The following UCHL5 variants were observed in gnomAD, a reference collection of about 807,000 sequenced individuals.
UCHL5 encodes the protein ubiquitin C-terminal hydrolase L5.
A neutral mutation model predicts 53.8 loss-of-function variants in UCHL5; 34 were observed. The observed-to-expected ratio is 0.63, with a 90% CI of 0.48 to 0.84. The LOEUF is 0.84. Among genes scored for constraint, UCHL5 ranks in the 40% least tolerant of loss-of-function variants. UCHL5 has a pLI of 0.00. For missense variants in UCHL5, 290 were observed against 385.6 expected (o/e 0.75, Z 2.08); for synonymous variants, 111 against 126.3 (o/e 0.88, Z 0.81).
At chr1:193,055,862 T>A (rs980892520) in intron 1 of UCHL5, among the ~76,000 whole-genome samples, 9 of 152,204 alleles carry the variant, frequency 5.9e-5, no homozygotes, top group African/African-American at 2.2e-4. Context: ...GTAATATCTT[T>A]GTCTGGTTTG....
intron 3 of UCHL5, among the ~76,000 whole-genome samples, chr1:193,042,182 C>CA (rs766923505): frequency 1.1e-4 from 16 of 150,844 alleles, no homozygotes; most frequent in Non-Finnish European, 1.5e-5. Context: ...ATTTTATTTA[C>CA]AAACACCTTT....
chr1:193,031,887 T>C (rs1209955512), intron 3 of UCHL5, among the ~76,000 whole-genome samples: 2 of 152,204 alleles, frequency 1.3e-5, no homozygotes, highest in East Asian at 3.8e-4. Flanking sequence ...TAAAAATCTT[T>C]AGCTTACCTA....
intron 3 of UCHL5, among the ~76,000 whole-genome samples, chr1:193,032,651 A>G (rs931596205): frequency 6.6e-6 from 1 of 152,360 alleles, no homozygotes; most frequent in East Asian, 1.9e-4. Flanking sequence ...AATACACAGA[A>G]TATACAAGGA....
chr1:193,024,243 T>TA (rs201888142), intron 7 of UCHL5, among the ~76,000 whole-genome samples: 217 of 141,136 alleles, frequency 1.5e-3, no homozygotes, highest in African/African-American at 3.6e-3. Context: ...CCCTGTCTCT[T>TA]AAAAAAAAAA....
At chr1:193,023,131 A>C in intron 8 of UCHL5, 95 bp from the exon 9 acceptor site, 4 of 963,998 alleles carry the variant, frequency 4.1e-6, no homozygotes, top group Non-Finnish European at 6.3e-6. Context: ...ATTATTTTCA[A>C]ATTTTTACTC....
At chr1:193,022,342 A>C (rs1251415450) in intron 9 of UCHL5, among the ~76,000 whole-genome samples, 1 of 152,172 alleles carries the variant, frequency 6.6e-6, no homozygotes, top group African/African-American at 2.4e-5. Context: ...CCTTACACTG[A>C]GGTTCAAATG....
chr1:193,026,409 G>T (rs1019543486), intron 7 of UCHL5, among the ~76,000 whole-genome samples: 4 of 152,146 alleles, frequency 2.6e-5, no homozygotes, highest in African/African-American at 9.7e-5. Flanking sequence ...TTTGATGAAG[G>T]ATTAGTATCT....
chr1:193,024,000 C>A (rs1658150247), intron 7 of UCHL5, 54 bp from the exon 8 acceptor site: 1 of 1,247,198 alleles, frequency 8.0e-7, no homozygotes, highest in African/African-American at 1.6e-5. Context: ...ACAACTATTA[C>A]CGTTAAGATA....
intron 3 of UCHL5, among the ~76,000 whole-genome samples, chr1:193,032,821 A>G (rs147026119): frequency 0.012 from 1,761 of 152,356 alleles, 16 homozygotes; most frequent in South Asian, 0.033. Context: ...TCAAAACCAC[A>G]ACAAGATACC....
At chr1:193,035,825 A>T (rs1171859435) in intron 3 of UCHL5, among the ~76,000 whole-genome samples, 1 of 152,150 alleles carries the variant, frequency 6.6e-6, no homozygotes, top group South Asian at 2.1e-4. Context: ...ACGTATATTG[A>T]CAAAACACAA....
chr1:193,035,192 A>C (rs533819189), intron 3 of UCHL5, among the ~76,000 whole-genome samples: 1 of 152,212 alleles, frequency 6.6e-6, no homozygotes, highest in East Asian at 1.9e-4. Flanking sequence ...AGGATGGCTA[A>C]ATATAATATT....
At chr1:193,031,903 T>C (rs952814310) in intron 3 of UCHL5, among the ~76,000 whole-genome samples, 9 of 152,228 alleles carry the variant, frequency 5.9e-5, no homozygotes, top group Non-Finnish European at 1.0e-4. Context: ...ACCTAAGTGT[T>C]CTACTTTAAC....
rs1446448326 is a variant in UCHL5, at chr1:193,015,223, A to G, written c.*1128T>C. ...AATGTGCTGAAGCTGGAAGATGGGT[A>G]CACATTCTCCCTAATAAAATAAATT... On this transcript the variant is annotated 3_prime_UTR_variant, in exon 11 of 11. Coordinates refer to ENST00000367454, the MANE Select transcript of UCHL5 (RefSeq NM_001199261.3). 3 of 152,102 alleles carry G rather than the reference A, an allele frequency of 2.0e-5. No homozygotes were observed. Among genetic ancestry groups the G allele is most frequent in the African/African-American group, 7.2e-5 (3 of 41,450 alleles). 9.4% of individuals were successfully genotyped at this position (152,102 alleles called of 1,614,324 possible).
chr1:193,016,418 T>C, intron 10 of UCHL5, 23 bp from the exon 11 acceptor site: 1 of 1,596,342 alleles, frequency 6.3e-7, no homozygotes, highest in East Asian at 2.2e-5. Context: ...AATAGTATGT[T>C]ACAAAATTTT....
intron 10 of UCHL5, among the ~76,000 whole-genome samples, chr1:193,017,672 T>C (rs2102242400): frequency 6.6e-6 from 1 of 151,780 alleles, no homozygotes; most frequent in Admixed American, 6.6e-5. Context: ...AGAAATAAAT[T>C]TACTGGTTTC....
chr1:193,054,022 CA>C (rs11420240), intron 1 of UCHL5, among the ~76,000 whole-genome samples: 36 of 139,938 alleles, frequency 2.6e-4, no homozygotes, highest in East Asian at 2.2e-3. Flanking sequence ...CACTGGTTAC[CA>C]AAAAAAAAAA....
upstream of UCHL5, chr1:193,060,074 AG>A (rs769273838): frequency 9.2e-6 from 12 of 1,302,518 alleles, no homozygotes; most frequent in African/African-American, 1.5e-5. Context: ...CGACGTCGAG[AG>A]GGCCTGCTTT....
intron 1 of UCHL5, among the ~76,000 whole-genome samples, chr1:193,054,440 C>G (rs1295290181): frequency 6.6e-6 from 1 of 152,190 alleles, no homozygotes; most frequent in Non-Finnish European, 1.5e-5. Flanking sequence ...TTCCACAACC[C>G]CAGTCTCAGT....
chr1:193,030,809 G>A (rs1359575410), intron 3 of UCHL5, among the ~76,000 whole-genome samples: 1 of 151,902 alleles, frequency 6.6e-6, no homozygotes, highest in Admixed American at 6.6e-5. Context: ...TATTTCTCAT[G>A]TTGGTAGAGG....
Sources: allele counts gnomAD v4.1 joint callset (sites outside exome capture counted in the v4.1 genomes callset), GRCh38; gene constraint gnomAD v4.1.1; transcripts MANE v1.5; gene names NCBI Gene and HGNC (gene_info 2026-07-23, HGNC 2026-07-21).